Variants in HRG observed in about 807,000 individuals in gnomAD.
The protein encoded by HRG is histidine-rich glycoprotein.
Under a neutral mutation model 29.5 loss-of-function variants are expected in HRG, and 26 were observed. That is an observed-to-expected ratio of 0.88 (90% CI 0.65 to 1.22). HRG has a LOEUF of 1.22. HRG is among the 50% of genes most tolerant of loss of function. The pLI is 0.00. For missense variants in HRG, 671 were observed against 654.5 expected, an observed-to-expected ratio of 1.03 and a Z score of -0.28; for synonymous variants, 243 against 240.4, an observed-to-expected ratio of 1.01 and a Z score of -0.10.
Position 186,672,855 on chromosome 3 carries a change from C to A in HRG, c.627C>A (p.Pro209=), listed in dbSNP as rs763891541. Residue 209 remains proline, a synonymous_variant, in exon 5 of 7, where the codon CCC becomes CCA. Coordinates refer to ENST00000232003, the MANE Select transcript of HRG (RefSeq NM_000412.5). ...SVRNCPRHHF[P]RHPNVFGFCR... ...GGAACTGCCCCAGACACCATTTCCC[C>A]AGACACCCCAATGTGAGTATAAGAA... The A allele has an allele frequency of 1.9e-6, 3 of 1,606,284 alleles. No individual in the cohort carries two copies. In the South Asian group the frequency reaches 3.3e-5, roughly 18 times the overall value.
intron 5 of HRG, 51 bp from the exon 6 acceptor site, chr3:186,675,038 A>G (rs576718474): frequency 1.6e-6 from 2 of 1,246,102 alleles, no homozygotes; most frequent in African/African-American, 2.9e-5. Flanking sequence ...CTGGCTGGTC[A>G]TCTTCACACC....
At chr3:186,672,953 G>GGAAGGAGAA in intron 5 of HRG, 86 bp downstream of exon 5, 1 of 892,696 alleles carries the variant, frequency 1.1e-6, no homozygotes, top group Non-Finnish European at 1.9e-6. Flanking sequence ...GAGAAGGAGA[G>GGAAGGAGAA]GAAGGAGAAG....
intron 5 of HRG, 46 bp downstream of exon 5, chr3:186,672,913 A>T: frequency 8.0e-7 from 1 of 1,250,338 alleles, no homozygotes; most frequent in Non-Finnish European, 1.2e-6. Context: ...GTCACAGAGA[A>T]AAAAGAAAGA....
At chr3:186,671,590 C>A in intron 3 of HRG, 33 bp from the exon 4 acceptor site, 1 of 1,608,740 alleles carries the variant, frequency 6.2e-7, no homozygotes, top group South Asian at 1.1e-5. Context: ...ATTTCCAGCC[C>A]TTTACTGTGA....
rs369588492 is a variant in HRG, at chr3:186,677,490, C to A, written c.1185C>A (p.His395Gln). ...ATGGACACCATCCTCATGGACACCA[C>A]CCCCATGGACACCATCCCCATGGAC... ...HPHGHHPHGH[H>Q]PHGHHPHGHH... Residue 395 changes from histidine (H) to glutamine (Q), a missense_variant, in exon 7 of 7, where the codon CAC becomes CAA. His to Gln is a conservative substitution (Grantham distance 24, BLOSUM62 0). Coordinates refer to ENST00000232003, the MANE Select transcript of HRG (RefSeq NM_000412.5). The A allele has an allele frequency of 2.4e-5, 39 of 1,596,480 alleles. No homozygotes were observed. Among genetic ancestry groups the A allele is most frequent in the African/African-American group, 8.1e-5 (6 of 74,126 alleles).
rs1171114557 is a variant in HRG, at chr3:186,675,288, T to G, written c.741+98T>G. The G allele has an allele frequency of 3.0e-5, 10 of 329,274 alleles. No homozygotes were observed. The East Asian group carries it at 3.2e-4, about 11-fold the overall frequency. The allele number at this position is 329,274 out of a possible 1,614,324, so 20.4% of individuals were successfully genotyped here. A position where few individuals can be genotyped will look rare whatever the true frequency, so the allele number is the denominator to read the frequency against. On this transcript the variant is annotated intron_variant, in intron 6 of 6. Transcript: ENST00000232003. ...CTTCCTAAAGCTCTATGAGTGGGTG[T>G]GTGTGTGTGTGTGTGTGTGTGAGAG...
chr3:186,669,152 G>A, intron 2 of HRG, 101 bp downstream of exon 2: 1 of 796,834 alleles, frequency 1.3e-6, no homozygotes, highest in Non-Finnish European at 2.3e-6. Context: ...GAAGAGAAAG[G>A]GCAGCTTTTG....
intron 5 of HRG, 34 bp downstream of exon 5, chr3:186,672,901 G>C (rs1718849689): frequency 7.5e-7 from 1 of 1,331,580 alleles, no homozygotes; most frequent in Non-Finnish European, 1.1e-6. Flanking sequence ...TCGTTGACTA[G>C]AGTCACAGAG....
intron 5 of HRG, chr3:186,673,595 A>G (rs369546748): frequency 1.6e-4 from 24 of 153,538 alleles, no homozygotes; most frequent in African/African-American, 4.8e-4. Context: ...TTAAAGGCTT[A>G]GTTAGAACTA....
rs566694448 is a variant in HRG, at chr3:186,671,649, G to T, written c.418G>T (p.Asp140Tyr). Residue 140 changes from aspartate (D) to tyrosine (Y), a missense_variant, in exon 4 of 7, where the codon GAT (aspartate) becomes TAT (tyrosine). Coordinates refer to ENST00000232003, the MANE Select transcript of HRG (RefSeq NM_000412.5). ...SVSSALANTK[D>Y]SPVLIDFFED... The stretch of plus-strand genomic sequence containing the variant: ...CTCTTCAGCACTGGCCAATACCAAA[G>T]ATAGTCCGGTCCTCATAGATTTCTT... 21 of 1,613,942 alleles carry T rather than the reference G, an allele frequency of 1.3e-5. No homozygotes were observed. The African/African-American group carries it at 1.3e-4, about 10-fold the overall frequency.
chr3:186,675,569 C>T lies in HRG; in HGVS notation c.741+379C>T, dbSNP rs559683887. Reference sequence around the variant, plus strand: ...GGAATTTGAAAATGCTCTTTGTAGTCGGGACTCTAGTGCTGAGACTTAGTC... The same window carrying T: ...GGAATTTGAAAATGCTCTTTGTAGTTGGGACTCTAGTGCTGAGACTTAGTC... On this transcript the variant is annotated intron_variant, in intron 6 of 6. Coordinates refer to ENST00000232003, the MANE Select transcript of HRG (RefSeq NM_000412.5). Among the ~76,000 whole-genome samples the T allele has an allele frequency of 3.9e-5, 6 of 152,106 alleles. No homozygotes were observed. In the East Asian group the frequency reaches 7.7e-4, roughly 20 times the overall value.
chr3:186,666,917 A>G (rs1373035815), intron 1 of HRG: 1 of 152,178 alleles, frequency 6.6e-6, no homozygotes, highest in African/African-American at 2.4e-5. Flanking sequence ...CATCTCAAAA[A>G]AAAAAAAGAA....
intron 4 of HRG, among the ~76,000 whole-genome samples, chr3:186,672,191 T>TA (rs1718822090): frequency 6.6e-6 from 1 of 152,172 alleles, no homozygotes; most frequent in African/African-American, 2.4e-5. Context: ...GGTTCCCTGC[T>TA]CTCTCTACAA....
At chr3:186,676,432 C>T (rs60693099) in intron 6 of HRG, among the ~76,000 whole-genome samples, 83,281 of 151,712 alleles carry the variant, frequency 0.55, 23,417 homozygotes, top group East Asian at 0.8. Flanking sequence ...AAGGACAATC[C>T]TTTACTCTGA....
chr3:186,669,697 A>C, intron 2 of HRG: 151 of 481,684 alleles, frequency 3.1e-4, no homozygotes, highest in East Asian at 7.7e-4. Flanking sequence ...TGTTTGGGGT[A>C]TGGCCATGAT....
In HRG at chr3:186,677,761, A is replaced by G; in HGVS notation, c.1456A>G (p.Lys486Glu). Residue 486 changes from lysine (K) to glutamate (E), a missense_variant, in exon 7 of 7, where the codon AAA (lysine) becomes GAA (glutamate). By Grantham distance (56) the Lys-to-Glu change is moderately conservative. Transcript: ENST00000232003. ...TCCCAGCTTCCCATTGCCGCACCAC[A>G]AACATCCTCTAAAGCCAGACAATCA... is the stretch of plus-strand genomic sequence containing the variant. The part of the protein sequence containing the change: ...NFPSFPLPHH[K>E]HPLKPDNQPF... 2 of 1,612,892 alleles carry G rather than the reference A, an allele frequency of 1.2e-6. No homozygotes were observed. The highest frequency in any genetic ancestry group is 1.7e-6 in the Non-Finnish European group (2 of 1,178,928).
intron 4 of HRG, among the ~76,000 whole-genome samples, 178 bp from the exon 5 acceptor site, chr3:186,672,609 C>A (rs758009327): frequency 6.6e-6 from 1 of 152,204 alleles, no homozygotes; most frequent in Non-Finnish European, 1.5e-5. Context: ...AACTGGTATT[C>A]ACCTTATCAC....
chr3:186,671,772 G>C lies in HRG; in HGVS notation c.541G>C (p.Glu181Gln), dbSNP rs138389406. The C allele has an allele frequency of 6.6e-5, 107 of 1,613,702 alleles. No individual in the cohort carries two copies. The highest frequency in any genetic ancestry group is 3.3e-4 in the Middle Eastern group (2 of 6,082). The change falls in exon 4 of 7, where the codon GAG becomes CAG. Residue 181 changes from glutamate to glutamine, a missense_variant. Transcript: ENST00000232003. ...TGCCTCTTTCAGAGTGGACCGAATC[G>C]AGAGAGTTGCAAGAGTGGTGAGTCT... is the stretch of plus-strand genomic sequence containing the variant. ...DFASFRVDRI[E>Q]RVARVRGGEG... is the part of the protein sequence containing the mutation.
intron 6 of HRG, 142 bp downstream of exon 6, chr3:186,675,332 A>T (rs558852361): frequency 3.6e-5 from 24 of 661,916 alleles, no homozygotes; most frequent in Middle Eastern, 3.3e-4. Context: ...AGAGAGAGAG[A>T]CAGAGACAGA....
Sources: allele counts gnomAD v4.1 joint callset (sites outside exome capture counted in the v4.1 genomes callset), GRCh38; gene constraint gnomAD v4.1.1; transcripts MANE v1.5; gene names NCBI Gene and HGNC (gene_info 2026-07-23, HGNC 2026-07-21).